Variants in ATP2B4 observed in about 807,000 individuals in gnomAD.
The protein encoded by ATP2B4 is plasma membrane calcium-transporting ATPase 4.
In ATP2B4, 39 loss-of-function variants were observed where a neutral mutation model predicts 110.3. That is an observed-to-expected ratio of 0.35 (90% CI 0.27 to 0.46). ATP2B4 has a LOEUF of 0.46. Among genes scored for constraint, ATP2B4 ranks in the 20% least tolerant of loss-of-function variants. The pLI, the probability that ATP2B4 is intolerant of heterozygous loss-of-function variation, is 1.00. For synonymous variants in ATP2B4, 538 were observed against 571.7 expected (o/e 0.94, Z 0.84); for missense variants, 1,135 against 1,530.9 (o/e 0.74, Z 4.32).
intron 19 of ATP2B4, among the ~76,000 whole-genome samples, chr1:203,724,867 GTT>G (rs1031319768): frequency 1.3e-5 from 1 of 78,404 alleles, no homozygotes; most frequent in Admixed American, 1.8e-4. Context: ...CCAGCTCTCT[GTT>G]TTTTTTTTTT....
intron 20 of ATP2B4, among the ~76,000 whole-genome samples, chr1:203,731,376 G>T (rs1427137245): frequency 1.3e-5 from 2 of 152,190 alleles, no homozygotes; most frequent in South Asian, 4.1e-4. Flanking sequence ...AATGGAATCA[G>T]CACCTTTCCT....
intron 6 of ATP2B4, 133 bp downstream of exon 6, chr1:203,701,056 C>T: frequency 8.2e-7 from 1 of 1,220,172 alleles, no homozygotes; most frequent in African/African-American, 1.5e-5. Flanking sequence ...ATCCAAACTC[C>T]TTGCTGAGAT....
Position 203,703,733 on chromosome 1 carries a change from A to C in ATP2B4, c.1019A>C (p.Lys340Thr), listed in dbSNP as rs1226775578. The change falls in exon 8 of 21, where the codon AAG (lysine) becomes ACG (threonine). Residue 340 changes from lysine to threonine, a missense_variant. Physicochemically the swap from Lys to Thr is moderately conservative, Grantham distance 78. Coordinates refer to ENST00000357681, the MANE Select transcript of ATP2B4 (RefSeq NM_001684.5). The stretch of plus-strand genomic sequence containing the variant: ...ATCGACAATGAGGAAAAGGACAAGA[A>C]GGCAGTCAAGGTGCCTAAAAAGGAG... ...EGIDNEEKDKKAVKVPKKEKS... is the reference protein window; with the variant it reads ...EGIDNEEKDKTAVKVPKKEKS... 6.2e-7 allele frequency: 1 copy of C among 1,614,204 alleles called. No homozygotes were observed. Among genetic ancestry groups the C allele is most frequent in the South Asian group, 1.1e-5 (1 of 91,086 alleles).
At chr1:203,733,385 TCTC>T (rs1292866851) in intron 20 of ATP2B4, 7 of 1,613,684 alleles carry the variant, frequency 4.3e-6, no homozygotes, top group East Asian at 4.5e-5. Context: ...TGCTGTTTCA[TCTC>T]CTCCTATGGG....
At chr1:203,676,300 T>C (rs1287764218) in intron 1 of ATP2B4, among the ~76,000 whole-genome samples, 1 of 151,964 alleles carries the variant, frequency 6.6e-6, no homozygotes, top group African/African-American at 2.4e-5. Context: ...AGGGCAGACA[T>C]GGGGAGGGGA....
rs1218906644 is a variant in ATP2B4 at position 203,723,454 on chromosome 1, CT to C, written c.3025-426del. Among the ~76,000 whole-genome samples the C allele has an allele frequency of 8.3e-3, 1,124 of 135,094 alleles. 56 individuals are homozygous for C. Among genetic ancestry groups the C allele is most frequent in the African/African-American group, 0.032 (1,079 of 34,030 alleles). The allele number at this position is 135,094 out of a possible 152,430, so 88.6% of individuals were successfully genotyped here. A position where few individuals can be genotyped will look rare whatever the true frequency, so the allele number is the denominator to read the frequency against. ...TCTCTCTCTCTCTCTCTCTCTCTCT[CT>C]CTCTCCCTCTGCCTCTCTCTCTCTC... On this transcript the variant is annotated intron_variant, in intron 18 of 20. Transcript: ENST00000357681.
intron 1 of ATP2B4, among the ~76,000 whole-genome samples, chr1:203,644,499 G>A (rs1283297371): frequency 6.6e-6 from 1 of 152,138 alleles, no homozygotes; most frequent in South Asian, 2.1e-4. Context: ...CACTTAAGTT[G>A]TTCTGTCACT....
intron 1 of ATP2B4, among the ~76,000 whole-genome samples, chr1:203,681,848 T>G (rs1665022841): frequency 1.3e-5 from 2 of 151,956 alleles, no homozygotes. Context: ...AGAGGTATCT[T>G]ACCGCTCCCA....
In ATP2B4 at chr1:203,650,496, C is replaced by T. The variant is rs35038854; in HGVS notation, c.-465+23277C>T. ...AGTCGGCCCGCCTTATTTGGGGCTT[C>T]TGTGCTGAGCCAGGCCTCCAGGGCT... On this transcript the variant is annotated intron_variant, in intron 1 of 20. Coordinates refer to ENST00000357681, the MANE Select transcript of ATP2B4 (RefSeq NM_001684.5). Among the ~76,000 whole-genome samples, 323 of 152,314 alleles carry T rather than the reference C, an allele frequency of 2.1e-3. 2 individuals are homozygous for T. Among genetic ancestry groups the T allele is most frequent in the Non-Finnish European group, 3.4e-3 (234 of 68,018 alleles).
chr1:203,688,110 G>A (rs796743705), intron 2 of ATP2B4, among the ~76,000 whole-genome samples: 4 of 147,198 alleles, frequency 2.7e-5, no homozygotes, highest in East Asian at 2.0e-4. Flanking sequence ...TGCAACCTCC[G>A]CCTCCCAGGC....
intron 5 of ATP2B4, 116 bp from the exon 6 acceptor site, chr1:203,700,682 C>T: frequency 2.2e-6 from 3 of 1,393,898 alleles, no homozygotes; most frequent in Non-Finnish European, 3.0e-6. Context: ...GTGCTAAGCA[C>T]ATCATTATCC....
chr1:203,708,283 G>T (rs983373014), intron 10 of ATP2B4, among the ~76,000 whole-genome samples, 179 bp downstream of exon 10: 1 of 152,188 alleles, frequency 6.6e-6, no homozygotes, highest in Non-Finnish European at 1.5e-5. Flanking sequence ...AGTCAATGGA[G>T]GGTTGGAGGT....
In ATP2B4 at chr1:203,675,699, G is replaced by A. The variant is rs146791070; in HGVS notation, c.-464-7043G>A. ...AGGTGCTGTCAGAGTAGCAGACTTG[G>A]AGAGGGGGAAGTAAGTGAGGGAGGC... is the stretch of plus-strand genomic sequence containing the variant. On this transcript the variant is annotated intron_variant, in intron 1 of 20. Transcript: ENST00000357681. 1.1e-3 allele frequency among the ~76,000 whole-genome samples: 168 copies of A among 152,318 alleles called. 3 individuals are homozygous for A. The East Asian group carries it at 0.03, about 27-fold the overall frequency.
At chr1:203,677,193 T>C (rs1017734601) in intron 1 of ATP2B4, among the ~76,000 whole-genome samples, 8 of 152,150 alleles carry the variant, frequency 5.3e-5, no homozygotes, top group African/African-American at 1.9e-4. Context: ...AGAATGATAA[T>C]AGCTACAGTG....
chr1:203,644,887 T>C (rs1320865754), intron 1 of ATP2B4, among the ~76,000 whole-genome samples: 4 of 152,186 alleles, frequency 2.6e-5, no homozygotes, highest in Non-Finnish European at 4.4e-5. Context: ...TGCGGCTCCC[T>C]GCAGCCCCGC....
At chr1:203,701,094 G>C (rs1399373990) in intron 6 of ATP2B4, among the ~76,000 whole-genome samples, 171 bp downstream of exon 6, 1 of 151,836 alleles carries the variant, frequency 6.6e-6, no homozygotes, top group African/African-American at 2.4e-5. Context: ...GCTCCAGGGA[G>C]CTCTGATGAA....
chr1:203,671,533 G>A, intron 1 of ATP2B4, among the ~76,000 whole-genome samples: 1 of 152,144 alleles, frequency 6.6e-6, no homozygotes, highest in East Asian at 1.9e-4. Flanking sequence ...GGTTGAGGGA[G>A]TCAAGGCAGA....
chr1:203,722,067 T>C (rs1666354000), intron 17 of ATP2B4, among the ~76,000 whole-genome samples: 1 of 152,128 alleles, frequency 6.6e-6, no homozygotes, highest in Non-Finnish European at 1.5e-5. Context: ...GCACATAGTC[T>C]TACTACCATG....
At chr1:203,686,120 TGCC>T (rs1158826156) in intron 2 of ATP2B4, among the ~76,000 whole-genome samples, 1 of 152,208 alleles carries the variant, frequency 6.6e-6, no homozygotes, top group African/African-American at 2.4e-5. Context: ...GTCTACTTCT[TGCC>T]AGCTAGATTT....
Sources: allele counts gnomAD v4.1 joint callset (sites outside exome capture counted in the v4.1 genomes callset), GRCh38; gene constraint gnomAD v4.1.1; transcripts MANE v1.5; gene names NCBI Gene and HGNC (gene_info 2026-07-23, HGNC 2026-07-21).